Variants in PTGR1 observed in about 807,000 individuals in gnomAD.
PTGR1 encodes the protein 15-oxoprostaglandin 13-reductase.
In PTGR1, 23 loss-of-function variants were observed where a neutral mutation model predicts 37.7. The ratio of observed to expected loss-of-function variants is 0.61; its 90% CI spans 0.44 to 0.86. The LOEUF is 0.86. Among genes scored for constraint, PTGR1 ranks in the 40% least tolerant of loss-of-function variants. PTGR1 has a pLI of 0.00. For synonymous variants in PTGR1, 134 were observed against 140.0 expected, an observed-to-expected ratio of 0.96 and a Z score of 0.30; for missense variants, 351 against 394.3, an observed-to-expected ratio of 0.89 and a Z score of 0.93.
At chr9:111,554,232 T>G (rs1828054698) in intron 9 of PTGR1, among the ~76,000 whole-genome samples, 3 of 152,198 alleles carry the variant, frequency 2.0e-5, no homozygotes, top group African/African-American at 7.2e-5. Flanking sequence ...TTTTGTTTGT[T>G]TGCCTGGGAG....
chr9:111,561,013 A>G (rs1828281222), downstream of PTGR1, among the ~76,000 whole-genome samples: 1 of 72,100 alleles, frequency 1.4e-5, no homozygotes, highest in Admixed American at 1.5e-4. Context: ...AGAGAGAGAG[A>G]GAGAGGTGGC....
intron 9 of PTGR1, among the ~76,000 whole-genome samples, chr9:111,550,504 AAAT>A (rs1307421853): frequency 2.0e-5 from 3 of 152,190 alleles, no homozygotes; most frequent in Non-Finnish European, 2.9e-5. Context: ...CTGAAGGCTG[AAAT>A]CCACCAATGT....
intron 9 of PTGR1, among the ~76,000 whole-genome samples, chr9:111,555,322 A>C (rs1828089155): frequency 6.6e-6 from 1 of 152,018 alleles, no homozygotes; most frequent in South Asian, 2.1e-4. Flanking sequence ...TTCTGTGCAC[A>C]TTTTCAAACT....
chr9:111,563,079 C>G lies in PTGR1; in HGVS notation c.*42G>C. ...TGCTAAATGGTGAAAAACAAATTAA[C>G]TAATCATCTAAATGGCCTCCAGATT... On this transcript the variant is annotated 3_prime_UTR_variant, in exon 10 of 10. Transcript: ENST00000407693. 1 of 1,600,794 alleles carries G rather than the reference C, an allele frequency of 6.2e-7. No individual in the cohort carries two copies. Among genetic ancestry groups the G allele is most frequent in the South Asian group, 1.1e-5 (1 of 89,330 alleles).
chr9:111,572,052 C>A (rs1828841909), intron 8 of PTGR1, among the ~76,000 whole-genome samples: 1 of 152,170 alleles, frequency 6.6e-6, no homozygotes, highest in Non-Finnish European at 1.5e-5. Context: ...GGAAGTCAGG[C>A]GAAGATGCCT....
At chr9:111,569,898 T>C (rs1368776354) in intron 9 of PTGR1, 193 bp downstream of exon 9, 7 of 871,354 alleles carry the variant, frequency 8.0e-6, no homozygotes, top group African/African-American at 1.7e-5. Context: ...AAATGAACTT[T>C]AGAGAGGGTT....
chr9:111,571,421 A>C (rs910870524), intron 8 of PTGR1, among the ~76,000 whole-genome samples: 2 of 149,610 alleles, frequency 1.3e-5, no homozygotes, highest in Non-Finnish European at 3.0e-5. Context: ...AAAGAAAAAA[A>C]GAAGTAAACA....
chr9:111,565,724 T>C (rs78402738), intron 9 of PTGR1, among the ~76,000 whole-genome samples: 17,807 of 152,040 alleles, frequency 0.12, 1,423 homozygotes, highest in East Asian at 0.38. Context: ...AGAGTCTCAT[T>C]ATGTTGCCAG....
chr9:111,599,615 G>T lies in PTGR1; in HGVS notation c.-23C>A, dbSNP rs1471474141. On this transcript the variant is annotated 5_prime_UTR_variant, in exon 1 of 10. Coordinates refer to ENST00000407693, the MANE Select transcript of PTGR1 (RefSeq NM_001146108.2). ...GAGGTCTACTTACAGGAGCCCGAAG[G>T]TTCCACTGCCTGGGGAAGGCGGCTG... 1 of 152,658 alleles carries T rather than the reference G, an allele frequency of 6.6e-6. No individual in the cohort carries two copies. The highest frequency in any genetic ancestry group is 1.5e-5 in the Non-Finnish European group (1 of 68,384). 9.5% of individuals were successfully genotyped at this position (152,658 alleles called of 1,614,324 possible). A position where few individuals can be genotyped will look rare whatever the true frequency, so the allele number is the denominator to read the frequency against.
At chr9:111,575,769 T>C (rs981271903) in intron 7 of PTGR1, among the ~76,000 whole-genome samples, 2 of 152,142 alleles carry the variant, frequency 1.3e-5, no homozygotes, top group Non-Finnish European at 2.9e-5. Flanking sequence ...TAGACCTGAA[T>C]GTAACAGCTA....
At chr9:111,596,917 ACT>A (rs1416828045) in intron 2 of PTGR1, among the ~76,000 whole-genome samples, 1 of 109,120 alleles carries the variant, frequency 9.2e-6, no homozygotes, top group African/African-American at 3.9e-5. Flanking sequence ...ACAGAGCAAG[ACT>A]CTGTCTCAAA....
downstream of PTGR1, among the ~76,000 whole-genome samples, chr9:111,561,084 AATATATATAT>A (rs368827456): frequency 3.9e-4 from 8 of 20,344 alleles, no homozygotes; most frequent in East Asian, 2.1e-3. Flanking sequence ...CTCCATCTAA[AATATATATAT>A]ATATATATAT....
At chr9:111,586,342 G>A (rs1225656155) in intron 4 of PTGR1, among the ~76,000 whole-genome samples, 177 bp from the exon 5 acceptor site, 1 of 152,114 alleles carries the variant, frequency 6.6e-6, no homozygotes, top group Non-Finnish European at 1.5e-5. Context: ...GGTCACCAGA[G>A]AACTCTCAAC....
downstream of PTGR1, among the ~76,000 whole-genome samples, chr9:111,560,304 C>A (rs759366478): frequency 4.0e-5 from 6 of 151,818 alleles, no homozygotes; most frequent in Non-Finnish European, 8.8e-5. Flanking sequence ...CACAGGGCGT[C>A]TCTACTAAAA....
In PTGR1 at chr9:111,597,376, T is replaced by TA; in HGVS notation, c.46dup (p.Tyr16LeufsTer4). On this transcript the variant is annotated frameshift_variant, in exon 2 of 10. Transcript: ENST00000407693. LOFTEE classifies it high-confidence loss of function. ...CAACTCAAAGTCACTATTAGTAGGA[T>TA]AGCCAACAAAGTGCTTCTTCAGGGT... The TA allele has an allele frequency of 6.2e-7, 1 of 1,613,690 alleles. No homozygotes were observed. Among genetic ancestry groups the TA allele is most frequent in the African/African-American group, 1.3e-5 (1 of 75,042 alleles).
At chr9:111,581,912 G>GA (rs1390210071) in intron 6 of PTGR1, among the ~76,000 whole-genome samples, 1 of 151,944 alleles carries the variant, frequency 6.6e-6, no homozygotes, top group Non-Finnish European at 1.5e-5. Context: ...AGAATATGGG[G>GA]AAAAAATATA....
chr9:111,555,636 G>A (rs903405442), intron 9 of PTGR1, among the ~76,000 whole-genome samples: 8 of 152,150 alleles, frequency 5.3e-5, no homozygotes, highest in African/African-American at 1.9e-4. Flanking sequence ...GGGCAAAGGG[G>A]AAGCAAGCAC....
chr9:111,591,370 C>CTTTTTTTT (rs756079285), intron 4 of PTGR1, among the ~76,000 whole-genome samples: 7 of 122,072 alleles, frequency 5.7e-5, no homozygotes, highest in South Asian at 2.6e-4. Context: ...TTTTCTTTTT[C>CTTTTTTTT]TTTTTTTTTT....
chr9:111,553,124 G>A (rs1341055833), intron 9 of PTGR1, among the ~76,000 whole-genome samples: 1 of 152,072 alleles, frequency 6.6e-6, no homozygotes, highest in Non-Finnish European at 1.5e-5. Flanking sequence ...CTCACTAAAT[G>A]GTTGCTAAAA....
Sources: allele counts gnomAD v4.1 joint callset (sites outside exome capture counted in the v4.1 genomes callset), GRCh38; gene constraint gnomAD v4.1.1; transcripts MANE v1.5; gene names NCBI Gene and HGNC (gene_info 2026-07-23, HGNC 2026-07-21).